Variants in ZBTB16 observed in about 807,000 individuals in gnomAD.
ZBTB16 encodes the protein zinc finger and BTB domain containing 16.
Under a neutral mutation model 56.8 loss-of-function variants are expected in ZBTB16, and 8 were observed. The observed-to-expected ratio is 0.14, with a 90% confidence interval of 0.08 to 0.25. ZBTB16 has a LOEUF of 0.25. Among genes scored for constraint, ZBTB16 ranks in the 10% least tolerant of loss-of-function variants. ZBTB16 has a pLI of 1.00. For synonymous variants in ZBTB16, 363 were observed against 368.5 expected, an observed-to-expected ratio of 0.98 and a Z score of 0.17; for missense variants, 625 against 903.0, an observed-to-expected ratio of 0.69 and a Z score of 3.95.
At chr11:114,095,794 T>G (rs903954386) in intron 2 of ZBTB16, among the ~76,000 whole-genome samples, 1 of 152,196 alleles carries the variant, frequency 6.6e-6, no homozygotes, top group Non-Finnish European at 1.5e-5. Flanking sequence ...GTCTCTGAAG[T>G]GCCCATGGGA....
At chr11:114,154,005 C>A (rs545160796) in intron 2 of ZBTB16, among the ~76,000 whole-genome samples, 74 of 152,306 alleles carry the variant, frequency 4.9e-4, no homozygotes, top group Middle Eastern at 3.4e-3. Context: ...ATCTTTCACA[C>A]CAAGCCAATC....
intron 4 of ZBTB16, among the ~76,000 whole-genome samples, chr11:114,222,344 A>G (rs924351565): frequency 2.0e-5 from 3 of 152,180 alleles, no homozygotes; most frequent in Non-Finnish European, 4.4e-5. Context: ...CCAAAATATA[A>G]GTTAAGAAAG....
At chr11:114,222,420 AG>A (rs1293528442) in intron 4 of ZBTB16, among the ~76,000 whole-genome samples, 1 of 152,070 alleles carries the variant, frequency 6.6e-6, no homozygotes, top group African/African-American at 2.4e-5. Context: ...TCTTTGAGAG[AG>A]GGGGAATCAG....
chr11:114,144,250 C>A (rs1480501651), intron 2 of ZBTB16, among the ~76,000 whole-genome samples: 7 of 151,720 alleles, frequency 4.6e-5, no homozygotes, highest in Non-Finnish European at 8.8e-5. Context: ...AATTGTAAAC[C>A]TCGTCCGTGT....
chr11:114,248,506 G>A (rs1011130917), intron 6 of ZBTB16, among the ~76,000 whole-genome samples: 3 of 152,214 alleles, frequency 2.0e-5, no homozygotes, highest in Admixed American at 2.0e-4. Context: ...TGTGGGGAAG[G>A]TTGATTTACA....
chr11:114,134,040 C>T (rs550503944), intron 2 of ZBTB16, among the ~76,000 whole-genome samples: 22 of 152,290 alleles, frequency 1.4e-4, no homozygotes, highest in African/African-American at 4.6e-4. Flanking sequence ...CTGAGATGCA[C>T]GGGAGCACAG....
intron 2 of ZBTB16, among the ~76,000 whole-genome samples, chr11:114,142,237 G>T (rs1416574510): frequency 6.6e-6 from 1 of 152,168 alleles, no homozygotes; most frequent in Non-Finnish European, 1.5e-5. Flanking sequence ...TATGGTGGGG[G>T]CTGCAGCCGA....
intron 2 of ZBTB16, among the ~76,000 whole-genome samples, chr11:114,127,094 C>A (rs1011129380): frequency 6.6e-6 from 1 of 152,132 alleles, no homozygotes; most frequent in African/African-American, 2.4e-5. Flanking sequence ...TCCCCCTTGC[C>A]CCCCAACTCC....
chr11:114,185,830 A>G (rs776893612), intron 3 of ZBTB16, among the ~76,000 whole-genome samples: 10 of 152,252 alleles, frequency 6.6e-5, no homozygotes, highest in Non-Finnish European at 1.3e-4. Context: ...GATAAAAAGT[A>G]CTGTTTCATC....
At chr11:114,170,722 C>T (rs1942939453) in intron 3 of ZBTB16, among the ~76,000 whole-genome samples, 1 of 151,988 alleles carries the variant, frequency 6.6e-6, no homozygotes, top group Non-Finnish European at 1.5e-5. Context: ...CTCTTACTGA[C>T]TATTATAAGC....
At chr11:114,218,602 A>C (rs183870488) in intron 4 of ZBTB16, among the ~76,000 whole-genome samples, 23 of 152,350 alleles carry the variant, frequency 1.5e-4, no homozygotes, top group African/African-American at 5.3e-4. Context: ...GTTTGCCTTC[A>C]AGGTCAAGAT....
At chr11:114,196,827 G>A (rs957176299) in intron 4 of ZBTB16, among the ~76,000 whole-genome samples, 17 of 152,074 alleles carry the variant, frequency 1.1e-4, no homozygotes, top group African/African-American at 4.1e-4. Flanking sequence ...TTTTTATTAA[G>A]TCTTCACTAT....
At chr11:114,217,727 G>A (rs1337921370) in intron 4 of ZBTB16, among the ~76,000 whole-genome samples, 2 of 152,158 alleles carry the variant, frequency 1.3e-5, no homozygotes, top group Non-Finnish European at 1.5e-5. Flanking sequence ...GACAGATGGC[G>A]GGGCATGAAG....
intron 3 of ZBTB16, among the ~76,000 whole-genome samples, chr11:114,184,120 A>T (rs932243634): frequency 8.5e-5 from 13 of 152,186 alleles, no homozygotes; most frequent in African/African-American, 2.9e-4. Context: ...GTACTTTATC[A>T]CCCACTTATC....
intron 2 of ZBTB16, among the ~76,000 whole-genome samples, chr11:114,109,778 A>G (rs756878651): frequency 2.6e-5 from 4 of 152,176 alleles, no homozygotes; most frequent in Admixed American, 2.6e-4. Context: ...AACTGGCTTC[A>G]TGGAGTTGGT....
rs1013310122 is a variant in ZBTB16 at position 114,143,423 on chromosome 11, G to A, written c.1269-12914G>A. Among the ~76,000 whole-genome samples the A allele has an allele frequency of 5.9e-5, 9 of 152,276 alleles. No individual in the cohort carries two copies. The highest frequency in any genetic ancestry group is 1.9e-4 in the East Asian group (1 of 5,172). ...ACACTTAAAAGACAGAGGCTGGGGG[G>A]GAAAGGGGGTCAGCTTTGAGAGGGG... On this transcript the variant is annotated intron_variant, in intron 2 of 6. Coordinates refer to ENST00000335953, the MANE Select transcript of ZBTB16 (RefSeq NM_006006.6). This position sits in a 1 kb window ranked among gnomAD's most constrained non-coding sequence, Gnocchi z 6.4.
At chr11:114,135,966 C>A (rs931360332) in intron 2 of ZBTB16, among the ~76,000 whole-genome samples, 4 of 152,192 alleles carry the variant, frequency 2.6e-5, no homozygotes. Flanking sequence ...CTTCTCTGTA[C>A]CCCTCACTTC....
At chr11:114,128,218 G>T (rs1450951596) in intron 2 of ZBTB16, among the ~76,000 whole-genome samples, 4 of 152,194 alleles carry the variant, frequency 2.6e-5, no homozygotes, top group Admixed American at 6.5e-5. Context: ...TTCCTTAGGA[G>T]AGCCTGGGGG....
chr11:114,122,123 G>A (rs1941362421), intron 2 of ZBTB16, among the ~76,000 whole-genome samples: 1 of 152,198 alleles, frequency 6.6e-6, no homozygotes, highest in African/African-American at 2.4e-5. Context: ...AATGGAAACG[G>A]CCTTTTATTC....
Sources: gnomAD v4.1 joint callset for allele counts (sites outside exome capture counted in the v4.1 genomes callset) on GRCh38, gnomAD v4.1.1 for gene constraint, Gnocchi (gnomAD v3.1) non-coding constraint, MANE v1.5 for transcripts, NCBI Gene and HGNC (gene_info 2026-07-23, HGNC 2026-07-21) for gene names.